AK2: variants seen among roughly 807,000 people sequenced by gnomAD.
The protein encoded by AK2 is adenylate kinase 2.
A neutral mutation model predicts 24.6 loss-of-function variants in AK2; 15 were observed. The ratio of observed to expected loss-of-function variants is 0.61; its 90% CI spans 0.41 to 0.94. The LOEUF is 0.94. AK2 is among the 40% of genes least tolerant of loss of function. The pLI is 0.00. For missense variants in AK2, 257 were observed against 304.1 expected (o/e 0.85, Z 1.15); for synonymous variants, 102 against 114.0 (o/e 0.90, Z 0.67).
In AK2 at chr1:33,018,526, G is replaced by A. The variant is rs188456604; in HGVS notation, c.425+2841C>T. On this transcript the variant is annotated intron_variant, in intron 4 of 5. Transcript: ENST00000672715. Reference sequence around the variant, plus strand: ...TCTAACCATCAACATTTTGGACTACGAGGCAGAAAGCAGGCTTCCAGGGCT... The same window carrying A: ...TCTAACCATCAACATTTTGGACTACAAGGCAGAAAGCAGGCTTCCAGGGCT... 7.1e-3 allele frequency among the ~76,000 whole-genome samples: 1,077 copies of A among 152,210 alleles called. 6 individuals carry two copies. The highest frequency in any genetic ancestry group is 0.012 in the Non-Finnish European group (819 of 68,000).
At chr1:33,026,588 C>T (rs1368645731) in intron 1 of AK2, among the ~76,000 whole-genome samples, 2 of 151,922 alleles carry the variant, frequency 1.3e-5, no homozygotes, top group Non-Finnish European at 2.9e-5. Flanking sequence ...GCGGGTGGAT[C>T]ACAAGGTCAG....
intron 1 of AK2, among the ~76,000 whole-genome samples, chr1:33,035,735 TGCTAGG>T (rs1425214256): frequency 2.0e-5 from 3 of 152,300 alleles, no homozygotes; most frequent in Middle Eastern, 3.4e-3. Context: ...CCCTGTTGCC[TGCTAGG>T]GCAGATGGTA....
intron 2 of AK2, 155 bp downstream of exon 2, chr1:33,024,287 T>A (rs954132851): frequency 1.9e-6 from 2 of 1,047,392 alleles, no homozygotes; most frequent in African/African-American, 3.2e-5. Flanking sequence ...CGTTGGCTGG[T>A]AAATACTTGA....
chr1:33,024,359 C>T (rs1472366156), intron 2 of AK2, 83 bp downstream of exon 2: 1 of 1,575,766 alleles, frequency 6.3e-7, no homozygotes, highest in Non-Finnish European at 8.7e-7. Context: ...TAAATAGCCA[C>T]CTGTGGCTGG....
At position 33,036,848 on chromosome 1, in the gene AK2, T is replaced by G. The variant is rs770031555; in HGVS notation, c.-20A>C. On this transcript the variant is annotated 5_prime_UTR_variant, in exon 1 of 6. Transcript: ENST00000672715. ...AGCCATGTCCGCCGAAGTCTCTCAC[T>G]GCCACCAGTTCGCACGCCTCACAGG... The G allele has an allele frequency of 6.4e-7, 1 of 1,571,830 alleles. No homozygotes were observed. The highest frequency in any genetic ancestry group is 2.3e-5 in the East Asian group (1 of 42,710).
chr1:33,017,593 G>T (rs1011048921), intron 4 of AK2, among the ~76,000 whole-genome samples: 2 of 152,048 alleles, frequency 1.3e-5, no homozygotes, highest in East Asian at 3.9e-4. Context: ...ACAATACAAG[G>T]CTCATTCCAC....
In AK2 at chr1:33,012,862, C is replaced by A. The variant is rs1482263517; in HGVS notation, c.*319G>T. On this transcript the variant is annotated 3_prime_UTR_variant, in exon 6 of 6. Coordinates refer to ENST00000672715, the MANE Select transcript of AK2 (RefSeq NM_001625.4). ...GCCGTGAGCCAAGATCACGCCACTG[C>A]ACTCCAGCCAGGGTGGCAGAGCGAA... 7.6e-7 allele frequency: 1 copy of A among 1,310,264 alleles called. No homozygotes were observed. The highest frequency in any genetic ancestry group is 2.3e-5 in the Admixed American group (1 of 44,306). 81.2% of individuals were successfully genotyped at this position (1,310,264 alleles called of 1,614,324 possible). A position where few individuals can be genotyped will look rare whatever the true frequency, so the allele number is the denominator to read the frequency against.
chr1:33,022,284 T>G (rs1639603913), intron 2 of AK2, among the ~76,000 whole-genome samples: 1 of 151,948 alleles, frequency 6.6e-6, no homozygotes, highest in East Asian at 1.9e-4. Context: ...AACAGAGAAG[T>G]TCACTGAATT....
intron 2 of AK2, among the ~76,000 whole-genome samples, chr1:33,022,754 A>C (rs1639640109): frequency 6.6e-6 from 1 of 152,200 alleles, no homozygotes; most frequent in African/African-American, 2.4e-5. Context: ...TAGAAAGAAA[A>C]GTCTCCAGCC....
intron 1 of AK2, among the ~76,000 whole-genome samples, chr1:33,033,404 C>A (rs1165995321): frequency 1.3e-5 from 2 of 151,988 alleles, no homozygotes; most frequent in Non-Finnish European, 2.9e-5. Flanking sequence ...ACCTGTAATC[C>A]CAGCTATTCA....
Position 33,013,121 on chromosome 1 carries a change from C to G in AK2, c.*60G>C, listed in dbSNP as rs1324211589. On this transcript the variant is annotated 3_prime_UTR_variant, in exon 6 of 6. Transcript: ENST00000672715. ...CCTGAGGAAGCTTCTCTTTGCCTGT[C>G]CTATCATTCCCACCCATTGCCTCAC... 3.1e-6 allele frequency: 5 copies of G among 1,613,600 alleles called. No individual in the cohort carries two copies. The South Asian group carries it at 5.5e-5, about 18-fold the overall frequency.
chr1:33,024,304 G>C, intron 2 of AK2, 138 bp downstream of exon 2: 2 of 1,168,298 alleles, frequency 1.7e-6, no homozygotes. Context: ...TTGAAATATG[G>C]CTAGTGCAAC....
In AK2 at chr1:33,016,903, C is replaced by T. The variant is rs147110102; in HGVS notation, c.426-2309G>A. ...TGTATTTTTAGTAGAGACGGGGTTT[C>T]ACCATGTTGGCCAGGCTGGTCTCGA... On this transcript the variant is annotated intron_variant, in intron 4 of 5. Coordinates refer to ENST00000672715, the MANE Select transcript of AK2 (RefSeq NM_001625.4). Among the ~76,000 whole-genome samples the T allele has an allele frequency of 9.4e-3, 1,422 of 151,874 alleles. 20 individuals carry two copies. The highest frequency in any genetic ancestry group is 0.032 in the African/African-American group (1,343 of 41,384).
At chr1:33,031,914 T>C (rs1435400566) in intron 1 of AK2, 4 of 269,798 alleles carry the variant, frequency 1.5e-5, no homozygotes, top group South Asian at 3.6e-5. Context: ...TTAAATAAAA[T>C]AACAAACCCA....
At chr1:33,022,854 A>T (rs952462069) in intron 2 of AK2, among the ~76,000 whole-genome samples, 1 of 152,218 alleles carries the variant, frequency 6.6e-6, no homozygotes, top group African/African-American at 2.4e-5. Context: ...CTCTGCAACT[A>T]AGTGAAGGTT....
chr1:33,021,555 G>C, intron 3 of AK2, 38 bp downstream of exon 3: 1 of 1,607,758 alleles, frequency 6.2e-7, no homozygotes, highest in South Asian at 1.1e-5. Context: ...CAAGAATTTG[G>C]TTTCATGCAG....
chr1:33,021,078 G>A (rs553322167), intron 4 of AK2, among the ~76,000 whole-genome samples: 1 of 144,378 alleles, frequency 6.9e-6, no homozygotes, highest in African/African-American at 2.6e-5. Context: ...CCCAGGAAGT[G>A]GAGGTTGCAG....
In AK2 at chr1:33,009,302, C is replaced by T. The variant is rs1241392614; in HGVS notation, c.*3879G>A. Reference sequence around the variant, plus strand: ...CTTTAGTTTGGAGAAATTATTTAAGCTCACTTTTGCTGGAGAGGAAATGAA... The same window carrying T: ...CTTTAGTTTGGAGAAATTATTTAAGTTCACTTTTGCTGGAGAGGAAATGAA... On this transcript the variant is annotated 3_prime_UTR_variant, in exon 6 of 6. Coordinates refer to ENST00000672715, the MANE Select transcript of AK2 (RefSeq NM_001625.4). 4.4e-6 allele frequency: 2 copies of T among 454,002 alleles called. No homozygotes were observed. Among genetic ancestry groups the T allele is most frequent in the Non-Finnish European group, 8.8e-6 (2 of 226,806 alleles). 28.1% of individuals were successfully genotyped at this position (454,002 alleles called of 1,614,324 possible). A position where few individuals can be genotyped will look rare whatever the true frequency, so the allele number is the denominator to read the frequency against.
intron 2 of AK2, chr1:33,024,241 C>T: frequency 1.4e-6 from 1 of 704,348 alleles, no homozygotes. Context: ...GGTTGTTCAA[C>T]AGAATTTTGT....
Sources: allele counts gnomAD v4.1 joint callset (sites outside exome capture counted in the v4.1 genomes callset), GRCh38; gene constraint gnomAD v4.1.1; transcripts MANE v1.5; gene names NCBI Gene and HGNC (gene_info 2026-07-23, HGNC 2026-07-21).